MAPK8IP3: variants seen among roughly 807,000 people sequenced by gnomAD.
The protein encoded by MAPK8IP3 is C-Jun-amino-terminal kinase-interacting protein 3.
A neutral mutation model predicts 157.8 loss-of-function variants in MAPK8IP3; 49 were observed. The ratio of observed to expected loss-of-function variants is 0.31; its 90% CI spans 0.25 to 0.39. MAPK8IP3 has a LOEUF of 0.39. Ranked by LOEUF, MAPK8IP3 falls within the 10% of genes least tolerant of loss-of-function variation. The probability of loss-of-function intolerance (pLI) is 1.00; values close to 1 mark genes in which losing one functional copy is unlikely to be tolerated. For synonymous variants in MAPK8IP3, 897 were observed against 777.7 expected (o/e 1.15, Z -2.55); for missense variants, 1,478 against 1,889.4 (o/e 0.78, Z 4.04).
intron 1 of MAPK8IP3, among the ~76,000 whole-genome samples, chr16:1,721,368 A>G (rs2038510140): frequency 6.6e-6 from 1 of 152,160 alleles, no homozygotes; most frequent in African/African-American, 2.4e-5. Context: ...TGGAAGGCCA[A>G]GGCAGGAGGA....
At chr16:1,734,375 G>A (rs991002276) in intron 4 of MAPK8IP3, among the ~76,000 whole-genome samples, 8 of 152,202 alleles carry the variant, frequency 5.3e-5, no homozygotes, top group Admixed American at 2.6e-4. Flanking sequence ...AATCGGTCAC[G>A]CCTGCTGTTG....
chr16:1,735,523 G>A lies in MAPK8IP3; in HGVS notation c.602+5945G>A, dbSNP rs372120356. On this transcript the variant is annotated intron_variant, in intron 4 of 31. Transcript: ENST00000610761. ...CGTGTGACCATCCGTGTGAGCAGCC[G>A]TGTGACCGTCCGTGTGAGCGTCCGT... Among the ~76,000 whole-genome samples, 36 of 137,736 alleles carry A rather than the reference G, an allele frequency of 2.6e-4. No homozygotes were observed. In the East Asian group the frequency reaches 3.3e-3, roughly 13 times the overall value. 90.4% of individuals were successfully genotyped at this position (137,736 alleles called of 152,430 possible). A position where few individuals can be genotyped will look rare whatever the true frequency, so the allele number is the denominator to read the frequency against.
chr16:1,738,930 C>T (rs189004488), intron 4 of MAPK8IP3, among the ~76,000 whole-genome samples: 17 of 123,546 alleles, frequency 1.4e-4, no homozygotes, highest in African/African-American at 5.2e-4. Flanking sequence ...GTGTGAGCGT[C>T]CGTGTGAGAG....
intron 4 of MAPK8IP3, among the ~76,000 whole-genome samples, chr16:1,738,468 G>A (rs542626475): frequency 2.8e-5 from 3 of 106,482 alleles, no homozygotes; most frequent in South Asian, 4.9e-4. Context: ...GTGACCGTCC[G>A]TGTGAGCATC....
chr16:1,764,420 C>T lies in MAPK8IP3; in HGVS notation c.2241C>T (p.Gly747=), dbSNP rs186702609. ...DPLTCDREGD[G]EPKSAHTSPE... The stretch of plus-strand genomic sequence containing the variant: ...TGACCTGCGACCGCGAAGGAGACGG[C>T]GAGCCCAAGAGCGCCCACACGTCTC... The change falls in exon 19 of 32, where the codon GGC becomes GGT. Residue 747 remains glycine (G), a synonymous_variant. Coordinates refer to ENST00000610761, the MANE Select transcript of MAPK8IP3 (RefSeq NM_001318852.2). 24 of 1,606,390 alleles carry T rather than the reference C, an allele frequency of 1.5e-5. No individual in the cohort carries two copies. In the East Asian group the frequency reaches 4.3e-4, roughly 28 times the overall value.
Position 1,706,210 on chromosome 16 carries a change from G to C in MAPK8IP3, c.-130G>C. On this transcript the variant is annotated 5_prime_UTR_variant, in exon 1 of 32. Transcript: ENST00000610761. This position sits in a 1 kb window ranked among gnomAD's most constrained non-coding sequence, Gnocchi z 5.1. ...TGACGGGCGCAGCCTCGGCAGCGGC[G>C]GCGGCGGAGCCCTGAGGCGACAGCA... The C allele has an allele frequency of 4.2e-6, 3 of 717,162 alleles. No homozygotes were observed. The highest frequency in any genetic ancestry group is 5.8e-6 in the Non-Finnish European group (3 of 516,668). 44.4% of individuals were successfully genotyped at this position (717,162 alleles called of 1,614,324 possible).
chr16:1,721,662 A>G (rs2038530631), intron 1 of MAPK8IP3, among the ~76,000 whole-genome samples: 1 of 152,200 alleles, frequency 6.6e-6, no homozygotes, highest in African/African-American at 2.4e-5. Context: ...TGTTGCATCT[A>G]ACTCCTGGAG....
chr16:1,758,909 T>C, intron 9 of MAPK8IP3, 69 bp from the exon 10 acceptor site: 1 of 1,560,920 alleles, frequency 6.4e-7, no homozygotes, highest in Non-Finnish European at 8.8e-7. Flanking sequence ...CGCGCTTCTC[T>C]TCTCTCCCTT....
intron 4 of MAPK8IP3, among the ~76,000 whole-genome samples, chr16:1,731,987 G>A (rs2039344980): frequency 6.6e-6 from 1 of 152,172 alleles, no homozygotes. Flanking sequence ...AGAGAGTCGG[G>A]GGAGCCTGCC....
At position 1,768,263 on chromosome 16, in the gene MAPK8IP3, C is replaced by G. The variant is rs749433939; in HGVS notation, c.3627C>G (p.Gly1209=). The G allele has an allele frequency of 2.5e-6, 4 of 1,612,122 alleles. No homozygotes were observed. In the East Asian group the frequency reaches 6.7e-5, roughly 27 times the overall value. The change falls in exon 30 of 32, where the codon GGC becomes GGG. Residue 1209 remains glycine (G), a synonymous_variant. Coordinates refer to ENST00000610761, the MANE Select transcript of MAPK8IP3 (RefSeq NM_001318852.2). ...CCGGGGGCATCATCCACGTGTATGG[C>G]GATGACAGCAGTGACAGGGCGGCCA... The part of the protein sequence containing the change: ...ARPGGIIHVY[G]DDSSDRAASS...
At chr16:1,745,229 G>A (rs532423060) in intron 5 of MAPK8IP3, 19 of 969,644 alleles carry the variant, frequency 2.0e-5, no homozygotes, top group African/African-American at 1.2e-4. Flanking sequence ...GGAGCAGGCC[G>A]GGGACCCAGC....
At chr16:1,714,614 C>T (rs751166930) in intron 1 of MAPK8IP3, among the ~76,000 whole-genome samples, 8 of 152,168 alleles carry the variant, frequency 5.3e-5, no homozygotes, top group Non-Finnish European at 1.2e-4. Context: ...GGCTCCTGTT[C>T]CCTAACCTTT....
At chr16:1,752,768 G>T (rs929015797) in intron 8 of MAPK8IP3, among the ~76,000 whole-genome samples, 1 of 149,872 alleles carries the variant, frequency 6.7e-6, no homozygotes, top group Non-Finnish European at 1.5e-5. Context: ...AAAAAAAAAA[G>T]AGAGAAGGAA....
At chr16:1,711,827 CTA>C (rs552851872) in intron 1 of MAPK8IP3, among the ~76,000 whole-genome samples, 491 of 151,636 alleles carry the variant, frequency 3.2e-3, no homozygotes, top group Non-Finnish European at 5.5e-3. Flanking sequence ...GTACTCCCAG[CTA>C]CTTGGAAGGC....
At chr16:1,713,175 T>A (rs796754950) in intron 1 of MAPK8IP3, among the ~76,000 whole-genome samples, 31 of 152,316 alleles carry the variant, frequency 2.0e-4, no homozygotes, top group African/African-American at 7.5e-4. Context: ...GCTGTCCACT[T>A]CAGTAGCTGC....
At chr16:1,753,849 A>G (rs1040194208) in intron 8 of MAPK8IP3, among the ~76,000 whole-genome samples, 1 of 151,960 alleles carries the variant, frequency 6.6e-6, no homozygotes. Context: ...AAATGTTAAC[A>G]TGAGGAAAAA....
chr16:1,739,290 G>A (rs957469909), intron 4 of MAPK8IP3, among the ~76,000 whole-genome samples: 4 of 136,334 alleles, frequency 2.9e-5, no homozygotes, highest in African/African-American at 1.1e-4. Context: ...GCATCCATGT[G>A]AGCCTGTGAC....
chr16:1,735,087 G>A (rs1265416877), intron 4 of MAPK8IP3: 9 of 152,588 alleles, frequency 5.9e-5, no homozygotes, highest in Non-Finnish European at 1.2e-4. Context: ...ACACAGCCCC[G>A]TTCCAGGGCC....
rs916078860 is a variant in MAPK8IP3, at chr16:1,761,447, G to A, written c.1539+142G>A. ...GAGCGGCCACCATTCACCATTCACA[G>A]GCAGAGCGGCCACCATTCACCATTC... On this transcript the variant is annotated intron_variant, in intron 13 of 31. Transcript: ENST00000610761. 2.6e-5 allele frequency: 18 copies of A among 681,596 alleles called. No individual in the cohort carries two copies. In the Admixed American group the frequency reaches 3.6e-4, roughly 14 times the overall value. The allele number at this position is 681,596 out of a possible 1,614,324, so 42.2% of individuals were successfully genotyped here.
Sources: gnomAD v4.1 joint callset for allele counts (sites outside exome capture counted in the v4.1 genomes callset) on GRCh38, gnomAD v4.1.1 for gene constraint, Gnocchi (gnomAD v3.1) non-coding constraint, MANE v1.5 for transcripts, NCBI Gene and HGNC (gene_info 2026-07-23, HGNC 2026-07-21) for gene names.